The following TERT variants were observed in gnomAD, a reference collection of about 807,000 sequenced individuals.
The protein encoded by TERT is telomerase catalytic subunit.
TERT carries 42 observed loss-of-function variants against 104.0 expected under a neutral mutation model. The ratio of observed to expected loss-of-function variants is 0.40; its 90% CI spans 0.32 to 0.52. The LOEUF is 0.52. Ranked by LOEUF, TERT falls within the 20% of genes least tolerant of loss-of-function variation. TERT has a pLI of 0.43. For missense variants in TERT, 1,101 were observed against 1,610.3 expected (o/e 0.68, Z 5.41); for synonymous variants, 781 against 725.6 (o/e 1.08, Z -1.23).
Position 1,293,374 on chromosome 5 carries a change from C to G in TERT, c.1512G>C (p.Ser504=). The G allele has an allele frequency of 3.1e-6, 5 of 1,613,386 alleles. No homozygotes were observed. The highest frequency in any genetic ancestry group is 4.2e-6 in the Non-Finnish European group (5 of 1,180,020). ...TCATCTTCCACGTCAGCTCCTGCAG[C>G]GAGAGCTTGGCATGCTTCCCCAGGG... ...FISLGKHAKL[S]LQELTWKMSV... is the part of the protein sequence containing the mutation. The change falls in exon 2 of 16, where the codon TCG becomes TCC. Residue 504 remains serine (S), a synonymous_variant. Transcript: ENST00000310581.
At chr5:1,278,033 C>T (rs1012171361) in intron 6 of TERT, among the ~76,000 whole-genome samples, 1 of 152,184 alleles carries the variant, frequency 6.6e-6, no homozygotes, top group African/African-American at 2.4e-5. Flanking sequence ...TCCTATATCT[C>T]ATGGAGCCGG....
chr5:1,258,544 C>T, intron 13 of TERT, 54 bp downstream of exon 13: 8 of 1,507,712 alleles, frequency 5.3e-6, no homozygotes, highest in Non-Finnish European at 6.3e-6. Flanking sequence ...CAGAGGTGAG[C>T]AGAGCGCGGA....
chr5:1,274,212 G>A lies in TERT; in HGVS notation c.2287-1932C>T, dbSNP rs547608127. Among the ~76,000 whole-genome samples, 23 of 152,332 alleles carry A rather than the reference G, an allele frequency of 1.5e-4. No homozygotes were observed. The highest frequency in any genetic ancestry group is 2.8e-4 in the Non-Finnish European group (19 of 68,030). On this transcript the variant is annotated intron_variant, in intron 6 of 15. Coordinates refer to ENST00000310581, the MANE Select transcript of TERT (RefSeq NM_198253.3). The surrounding 1 kb of genome is among the most constrained non-coding windows in gnomAD (Gnocchi z 5.3). ...CGTGGGCTAAAACCACATCGAGTAC[G>A]ATTCAACCCTGAGAACCAACCTGGA...
In TERT at chr5:1,256,798, C is replaced by T. The variant is rs775987047; in HGVS notation, c.3033-1387G>A. 2.4e-4 allele frequency among the ~76,000 whole-genome samples: 37 copies of T among 152,228 alleles called. No homozygotes were observed. Among genetic ancestry groups the T allele is most frequent in the Non-Finnish European group, 4.4e-4 (30 of 68,042 alleles). On this transcript the variant is annotated intron_variant, in intron 13 of 15. Coordinates refer to ENST00000310581, the MANE Select transcript of TERT (RefSeq NM_198253.3). The surrounding 1 kb of genome is among the most constrained non-coding windows in gnomAD (Gnocchi z 7.0). Reference sequence around the variant, plus strand: ...ACGCTCCTGACCCAGGAGGGAAACACCTAGCATGGGTGAGGGGCTCTCTTC... The same window carrying T: ...ACGCTCCTGACCCAGGAGGGAAACATCTAGCATGGGTGAGGGGCTCTCTTC...
In TERT at chr5:1,255,542, G is replaced by T; in HGVS notation, c.3033-131C>A. 1 of 1,135,550 alleles carries T rather than the reference G, an allele frequency of 8.8e-7. No individual in the cohort carries two copies. The highest frequency in any genetic ancestry group is 1.3e-6 in the Non-Finnish European group (1 of 765,992). 70.3% of individuals were successfully genotyped at this position (1,135,550 alleles called of 1,614,324 possible). A position where few individuals can be genotyped will look rare whatever the true frequency, so the allele number is the denominator to read the frequency against. ...TGCATGGGTTTCCTCATGGGCACAG[G>T]TGCACACACACGGATGCATGCATGC... On this transcript the variant is annotated intron_variant, in intron 13 of 15. Coordinates refer to ENST00000310581, the MANE Select transcript of TERT (RefSeq NM_198253.3). This position sits in a 1 kb window ranked among gnomAD's most constrained non-coding sequence, Gnocchi z 6.9.
chr5:1,294,223 C>T lies in TERT; in HGVS notation c.663G>A (p.Ala221=), dbSNP rs35837567. 1.1e-5 allele frequency: 18 copies of T among 1,584,886 alleles called. No individual in the cohort carries two copies. In the African/African-American group the frequency reaches 1.9e-4, roughly 17 times the overall value. Residue 221 remains alanine (A), a synonymous_variant, in exon 2 of 16, where the codon GCG becomes GCA. Coordinates refer to ENST00000310581, the MANE Select transcript of TERT (RefSeq NM_198253.3). ...GGCTGGCACTGCCCCCGCGCCTCCT[C>T]GCACCCGGGGCTGGCAGGCCCAGGG... ...GVPLGLPAPG[A]RRRGGSASRS...
intron 6 of TERT, among the ~76,000 whole-genome samples, chr5:1,278,416 C>A (rs1749762587): frequency 6.6e-6 from 1 of 151,592 alleles, no homozygotes; most frequent in Non-Finnish European, 1.5e-5. Flanking sequence ...ACACCACAGG[C>A]ACACACACCA....
intron 2 of TERT, chr5:1,282,909 C>T (rs556298413): frequency 1.5e-4 from 71 of 474,324 alleles, no homozygotes; most frequent in Admixed American, 1.3e-3. Flanking sequence ...CAGCTCACCG[C>T]AGGGCCTGGC....
intron 13 of TERT, 69 bp downstream of exon 13, chr5:1,258,529 C>CG (rs1561189097): frequency 7.1e-7 from 1 of 1,418,146 alleles, no homozygotes; most frequent in African/African-American, 1.4e-5. Context: ...GGTGAAGCCC[C>CG]GGGTCAGAGG....
intron 2 of TERT, among the ~76,000 whole-genome samples, chr5:1,290,295 C>T (rs1404004434): frequency 4.8e-5 from 3 of 62,036 alleles, no homozygotes; most frequent in East Asian, 4.2e-4. Context: ...CAGGGACACC[C>T]GGGGACGGCG....
rs7734992 is a variant in TERT, at chr5:1,280,013, T to C, written c.1950+145A>G. 462,954 of 1,079,128 alleles carry C rather than the reference T, an allele frequency of 0.43. 102,532 individuals are homozygous for C. The highest frequency in any genetic ancestry group is 0.67 in the African/African-American group (43,091 of 64,612). 66.8% of individuals were successfully genotyped at this position (1,079,128 alleles called of 1,614,324 possible). On this transcript the variant is annotated intron_variant, in intron 4 of 15. Coordinates refer to ENST00000310581, the MANE Select transcript of TERT (RefSeq NM_198253.3). ...GGCACCGGCACCTCGGCCACCTCAC[T>C]GTGCGCACAAATGGGTTGGCGCCGT... is the stretch of plus-strand genomic sequence containing the variant.
At chr5:1,272,591 C>T (rs1254023452) in intron 6 of TERT, among the ~76,000 whole-genome samples, 1 of 26,550 alleles carries the variant, frequency 3.8e-5, no homozygotes, top group Admixed American at 3.2e-4. Context: ...GACCCTACGA[C>T]CGCCATCCAC....
chr5:1,290,278 A>C (rs368954610), intron 2 of TERT, among the ~76,000 whole-genome samples: 754 of 11,344 alleles, frequency 0.066, no homozygotes, highest in Admixed American at 0.096. Context: ...ACTCACCCTG[A>C]ACGTGACAGG....
chr5:1,266,216 A>C (rs926578160), intron 10 of TERT, among the ~76,000 whole-genome samples: 1 of 152,046 alleles, frequency 6.6e-6, no homozygotes, highest in African/African-American at 2.4e-5. Context: ...TGCACTCACC[A>C]CGTGTGTAAC....
chr5:1,281,187 C>T (rs989911090), intron 3 of TERT, among the ~76,000 whole-genome samples: 7 of 152,232 alleles, frequency 4.6e-5, no homozygotes, highest in Non-Finnish European at 7.3e-5. Flanking sequence ...CATGTTGGGT[C>T]GCACACCATT....
At chr5:1,271,396 G>A (rs1360033609) in intron 7 of TERT, among the ~76,000 whole-genome samples, 192 bp from the exon 8 acceptor site, 10 of 152,246 alleles carry the variant, frequency 6.6e-5, no homozygotes, top group African/African-American at 2.4e-4. Context: ...TAGGCAGAGT[G>A]TGTGACACAG....
rs1199488589 is a variant in TERT at position 1,273,663 on chromosome 5, CCA to C, written c.2287-1385_2287-1384del. Among the ~76,000 whole-genome samples, 138 of 21,584 alleles carry C rather than the reference CCA, an allele frequency of 6.4e-3. 3 individuals are homozygous for C. Among genetic ancestry groups the C allele is most frequent in the African/African-American group, 9.1e-3 (52 of 5,684 alleles). 14.2% of individuals were successfully genotyped at this position (21,584 alleles called of 152,430 possible). ...CGGGACCAACCGCCATCCACAGTCA[CCA>C]CACATCAGACCCCACGACCGCCATC... is the stretch of plus-strand genomic sequence containing the variant. On this transcript the variant is annotated intron_variant, in intron 6 of 15. Coordinates refer to ENST00000310581, the MANE Select transcript of TERT (RefSeq NM_198253.3).
rs1234631826 is a variant in TERT, at chr5:1,288,927, C to A, written c.1573+4386G>T. On this transcript the variant is annotated intron_variant, in intron 2 of 15. Coordinates refer to ENST00000310581, the MANE Select transcript of TERT (RefSeq NM_198253.3). The surrounding 1 kb of genome is among the most constrained non-coding windows in gnomAD (Gnocchi z 5.3). ...TAGCAAAATGGAACGGAGAGGTGAC[C>A]AAGAAGAGCCGAGCATCAGAAAAGA... 6.6e-6 allele frequency among the ~76,000 whole-genome samples: 1 copy of A among 152,160 alleles called. No homozygotes were observed. Among genetic ancestry groups the A allele is most frequent in the East Asian group, 1.9e-4 (1 of 5,192 alleles).
chr5:1,263,953 C>T lies in TERT; in HGVS notation c.2843+451G>A, dbSNP rs2736115. Reference sequence around the variant, plus strand: ...GAGCCTTGGAGTGTGGGGCTCACAGCGGAGAGACTCACGCCCAAAAGGGCC... The same window carrying T: ...GAGCCTTGGAGTGTGGGGCTCACAGTGGAGAGACTCACGCCCAAAAGGGCC... On this transcript the variant is annotated intron_variant, in intron 11 of 15. Transcript: ENST00000310581. This position sits in a 1 kb window ranked among gnomAD's most constrained non-coding sequence, Gnocchi z 5.3. 0.23 allele frequency among the ~76,000 whole-genome samples: 35,365 copies of T among 152,052 alleles called. 4,268 individuals carry two copies. Among genetic ancestry groups the T allele is most frequent in the Non-Finnish European group, 0.26 (17,915 of 67,944 alleles).
Sources: gnomAD v4.1 joint callset for allele counts (sites outside exome capture counted in the v4.1 genomes callset) on GRCh38, gnomAD v4.1.1 for gene constraint, Gnocchi (gnomAD v3.1) non-coding constraint, MANE v1.5 for transcripts, NCBI Gene and HGNC (gene_info 2026-07-23, HGNC 2026-07-21) for gene names.